The following TMEM131 variants were observed in gnomAD, a reference collection of about 807,000 sequenced individuals.
TMEM131 encodes 2610524E03Rik.
A neutral mutation model predicts 211.6 loss-of-function variants in TMEM131; 66 were observed. The ratio of observed to expected loss-of-function variants is 0.31; its 90% CI spans 0.26 to 0.38. The LOEUF (loss-of-function observed/expected upper bound fraction) is 0.38, where lower values mean the gene tolerates loss of function less well. TMEM131 is among the 10% of genes least tolerant of loss of function. The pLI, the probability that TMEM131 is intolerant of heterozygous loss-of-function variation, is 1.00. For synonymous variants in TMEM131, 844 were observed against 841.3 expected, an observed-to-expected ratio of 1.00 and a Z score of -0.06; for missense variants, 2,036 against 2,299.3, an observed-to-expected ratio of 0.89 and a Z score of 2.34.
At chr2:97,781,616 A>T (rs1355525124) in intron 31 of TMEM131, among the ~76,000 whole-genome samples, 1 of 152,218 alleles carries the variant, frequency 6.6e-6, no homozygotes, top group Non-Finnish European at 1.5e-5. Flanking sequence ...CTGGAGACTT[A>T]CACTTTTGGG....
intron 3 of TMEM131, among the ~76,000 whole-genome samples, chr2:97,900,143 A>G (rs940344630): frequency 6.6e-6 from 1 of 152,124 alleles, no homozygotes; most frequent in Admixed American, 6.6e-5. Context: ...TTACTCTCTG[A>G]ATTGTGTGGC....
intron 3 of TMEM131, among the ~76,000 whole-genome samples, chr2:97,890,815 TTA>T (rs764383886): frequency 1.6e-4 from 25 of 152,344 alleles, no homozygotes; most frequent in South Asian, 4.1e-4. Context: ...GTTTTATTTT[TTA>T]TGTCTTGTGC....
At chr2:97,983,424 TTTGTCCCTGATAGTCCCTTC>T (rs1159392300) in intron 1 of TMEM131, among the ~76,000 whole-genome samples, 2 of 152,188 alleles carry the variant, frequency 1.3e-5, no homozygotes, top group African/African-American at 4.8e-5. Flanking sequence ...CAGGTCCCTT[TTTGTCCCTGATAGTCCCTTC>T]AAGTTCCTGT....
intron 2 of TMEM131, among the ~76,000 whole-genome samples, chr2:97,913,707 A>G (rs1365100674): frequency 6.6e-6 from 1 of 152,260 alleles, no homozygotes; most frequent in Non-Finnish European, 1.5e-5. Context: ...AATTCACTTC[A>G]GAATGAGGTA....
intron 4 of TMEM131, among the ~76,000 whole-genome samples, chr2:97,882,340 C>T (rs748109780): frequency 4.3e-4 from 65 of 152,166 alleles, no homozygotes; most frequent in Non-Finnish European, 4.3e-4. Flanking sequence ...TACCTTTTCC[C>T]AGTTATTCAA....
At chr2:97,854,915 T>C (rs10176201) in intron 5 of TMEM131, among the ~76,000 whole-genome samples, 115,829 of 152,130 alleles carry the variant, frequency 0.76, 45,756 homozygotes, top group African/African-American at 0.88. Flanking sequence ...TTTAAAATGG[T>C]ACCGCCTTCC....
intron 1 of TMEM131, among the ~76,000 whole-genome samples, chr2:97,953,813 A>G: frequency 6.6e-6 from 1 of 152,204 alleles, no homozygotes; most frequent in East Asian, 1.9e-4. Flanking sequence ...TTTTCCAACT[A>G]TAATGCTGGT....
At position 97,775,965 on chromosome 2, in the gene TMEM131, T is replaced by G; in HGVS notation, c.4198A>C (p.Lys1400Gln). Residue 1400 changes from lysine to glutamine, a missense_variant, in exon 32 of 41, where the codon AAG becomes CAG. This residue lies in a region of TMEM131 where 1,623 missense variants were observed against 1,805.9 expected (regional missense o/e 0.90). Transcript: ENST00000186436. ...KVKPPKKQEE[K>Q]EKKGKGKPQE... is the part of the protein sequence containing the mutation. The stretch of plus-strand genomic sequence containing the variant: ...GGCTTTCCCTTTCCCTTCTTCTCCT[T>G]TTCCTCTTGCTTCTTAGGTGGTTTC... 6.2e-7 allele frequency: 1 copy of G among 1,614,032 alleles called. No homozygotes were observed. The highest frequency in any genetic ancestry group is 1.1e-5 in the South Asian group (1 of 91,076).
At chr2:97,856,713 T>C (rs867617589) in intron 5 of TMEM131, among the ~76,000 whole-genome samples, 2 of 152,146 alleles carry the variant, frequency 1.3e-5, no homozygotes, top group Non-Finnish European at 2.9e-5. Context: ...ATTGTTGGCA[T>C]AAAGCTGAAG....
At chr2:97,941,237 T>C (rs1391791607) in intron 1 of TMEM131, among the ~76,000 whole-genome samples, 1 of 152,176 alleles carries the variant, frequency 6.6e-6, no homozygotes, top group Non-Finnish European at 1.5e-5. Flanking sequence ...GATTCCCTAT[T>C]TAATAAATGG....
At position 97,796,773 on chromosome 2, in the gene TMEM131, G is replaced by A. The variant is rs1680786433; in HGVS notation, c.3013+71C>T. 9 of 1,484,132 alleles carry A rather than the reference G, an allele frequency of 6.1e-6. No homozygotes were observed. The Admixed American group carries it at 1.3e-4, about 21-fold the overall frequency. 91.9% of individuals were successfully genotyped at this position (1,484,132 alleles called of 1,614,324 possible). On this transcript the variant is annotated intron_variant, in intron 27 of 40. Coordinates refer to ENST00000186436, the MANE Select transcript of TMEM131 (RefSeq NM_015348.2). ...CAGGTGCACATACAGAAATAATGTT[G>A]TTTTTGAAATTATTTACTGTTGAAA...
chr2:97,851,214 A>G (rs912168311), intron 5 of TMEM131, among the ~76,000 whole-genome samples: 1 of 152,116 alleles, frequency 6.6e-6, no homozygotes, highest in Non-Finnish European at 1.5e-5. Flanking sequence ...AAACTCGAAT[A>G]CTATCTGCCT....
intron 1 of TMEM131, among the ~76,000 whole-genome samples, chr2:97,951,619 TTTTG>T (rs1678318831): frequency 6.6e-6 from 1 of 152,286 alleles, no homozygotes; most frequent in East Asian, 1.9e-4. Context: ...GTTTTCTGTT[TTTTG>T]TTTTTGTTGC....
intron 3 of TMEM131, among the ~76,000 whole-genome samples, chr2:97,895,316 T>C (rs752184893): frequency 1.3e-4 from 20 of 152,208 alleles, no homozygotes; most frequent in Non-Finnish European, 2.5e-4. Flanking sequence ...ATTAGGGATA[T>C]TTGCCTGAAA....
At chr2:97,989,969 T>C (rs942448335) in intron 1 of TMEM131, among the ~76,000 whole-genome samples, 1 of 152,218 alleles carries the variant, frequency 6.6e-6, no homozygotes, top group Non-Finnish European at 1.5e-5. Flanking sequence ...CTGCGAGAGA[T>C]TTCTGCCTGC....
chr2:97,907,397 T>C (rs1458420342), intron 3 of TMEM131, among the ~76,000 whole-genome samples: 4 of 152,218 alleles, frequency 2.6e-5, no homozygotes. Flanking sequence ...GTAAGAAGTT[T>C]TAATTGTCCT....
chr2:97,989,792 C>T (rs1220290727), intron 1 of TMEM131, among the ~76,000 whole-genome samples: 2 of 152,110 alleles, frequency 1.3e-5, no homozygotes, highest in African/African-American at 4.8e-5. Context: ...TCTAGAAACC[C>T]TCCATCTGTG....
chr2:97,774,949 T>C (rs776324293), intron 32 of TMEM131, among the ~76,000 whole-genome samples: 13 of 152,180 alleles, frequency 8.5e-5, no homozygotes, highest in Non-Finnish European at 1.8e-4. Flanking sequence ...AAGTTACATA[T>C]ACATTTCATT....
intron 3 of TMEM131, among the ~76,000 whole-genome samples, chr2:97,896,151 C>T (rs1430288616): frequency 1.3e-5 from 2 of 152,158 alleles, no homozygotes; most frequent in African/African-American, 4.8e-5. Flanking sequence ...GCAGGTTGTT[C>T]AACTTCCCTG....
Sources: gnomAD v4.1 joint callset for allele counts (sites outside exome capture counted in the v4.1 genomes callset) on GRCh38, gnomAD v4.1.1 for gene constraint, gnomAD v4.1.1 regional missense constraint, MANE v1.5 for transcripts, NCBI Gene and HGNC (gene_info 2026-07-23, HGNC 2026-07-21) for gene names.